Variants in ELP5 observed in about 807,000 individuals in gnomAD.
The protein encoded by ELP5 is elongator acetyltransferase complex subunit 5.
ELP5 carries 34 observed loss-of-function variants against 33.4 expected under a neutral mutation model. That is an observed-to-expected ratio of 1.02 (90% CI 0.78 to 1.36). The LOEUF is 1.36. ELP5 is among the 40% of genes most tolerant of loss of function. The pLI, the probability that ELP5 is intolerant of heterozygous loss-of-function variation, is 0.00. For missense variants in ELP5, 373 were observed against 371.7 expected, an observed-to-expected ratio of 1.00 and a Z score of -0.03; for synonymous variants, 161 against 146.4, an observed-to-expected ratio of 1.10 and a Z score of -0.72.
chr17:7,252,892 A>G, intron 2 of ELP5, 26 bp from the exon 3 acceptor site: 1 of 1,614,154 alleles, frequency 6.2e-7, no homozygotes, highest in Non-Finnish European at 8.5e-7. Context: ...CCACTCTTTG[A>G]CAATCCCTTC....
rs367785137 is a variant in ELP5 at position 7,258,864 on chromosome 17, G to C, written c.726G>C (p.Leu242=). Residue 242 remains leucine (L), a synonymous_variant, in exon 7 of 8, where the codon CTG becomes CTC. Coordinates refer to ENST00000396628, the MANE Select transcript of ELP5 (RefSeq NM_203414.3). ...PTTHLTFNLH[L]SKKEREARDS... ...CTCATTTGACCTTTAACCTTCACCTGTCCAAGAAAGAGAGAGAAGCCAGAG... is the reference window on the plus strand; with the variant it reads ...CTCATTTGACCTTTAACCTTCACCTCTCCAAGAAAGAGAGAGAAGCCAGAG... The C allele has an allele frequency of 8.7e-6, 14 of 1,614,034 alleles. No individual in the cohort carries two copies. The South Asian group carries it at 8.8e-5, about 10-fold the overall frequency.
rs1243073846 is a variant in ELP5, at chr17:7,252,846, T to C, written c.107+16T>C. 6 of 1,614,100 alleles carry C rather than the reference T, an allele frequency of 3.7e-6. No individual in the cohort carries two copies. Among genetic ancestry groups the C allele is most frequent in the Non-Finnish European group, 5.1e-6 (6 of 1,180,040 alleles). On this transcript the variant is annotated intron_variant, in intron 2 of 7. Transcript: ENST00000396628. ...CTGCACTGTGGTGAGTATCCCACAG[T>C]GTCTCCCCGGCCTACCCTGGATAGG...
At chr17:7,257,459 G>T (rs1404896257) in intron 5 of ELP5, among the ~76,000 whole-genome samples, 1 of 148,252 alleles carries the variant, frequency 6.7e-6, no homozygotes, top group African/African-American at 2.5e-5. Flanking sequence ...ATTGGACAAG[G>T]TCTCACTGTT....
Position 7,259,755 on chromosome 17 carries a change from A to G in ELP5, c.*70A>G, listed in dbSNP as rs2072170940. ...ACTTTGGGCCCAGAACCATCTTTCT[A>G]TTGTTTGTGTTAGCCTTACCCTGTC... On this transcript the variant is annotated 3_prime_UTR_variant, in exon 8 of 8. Transcript: ENST00000396628. 3.8e-6 allele frequency: 6 copies of G among 1,595,278 alleles called. No homozygotes were observed. The highest frequency in any genetic ancestry group is 5.1e-6 in the Non-Finnish European group (6 of 1,171,460).
Position 7,252,482 on chromosome 17 carries a change from G to T in ELP5, c.-69G>T. On this transcript the variant is annotated 5_prime_UTR_variant, in exon 1 of 8. Transcript: ENST00000396628. ...CCGAGTGCTCGGCCCGTTTCACCCC[G>T]AGGAGGAAGGACACTGGGTCATGAC... The T allele has an allele frequency of 1.2e-6, 2 of 1,611,626 alleles. No homozygotes were observed. The highest frequency in any genetic ancestry group is 1.1e-5 in the South Asian group (1 of 90,324).
In ELP5 at chr17:7,258,587, G is replaced by T. The variant is rs1161569290; in HGVS notation, c.592-1G>T. On this transcript the variant is annotated splice_acceptor_variant, in intron 5 of 7. Coordinates refer to ENST00000396628, the MANE Select transcript of ELP5 (RefSeq NM_203414.3). LOFTEE classifies it high-confidence loss of function. ...AAAACTCTTTTCTTTTTTCTCTCCA[G>T]ACTCAGTGGTTCTCCATCCTTCCGG... is the stretch of plus-strand genomic sequence containing the variant. The T allele has an allele frequency of 6.2e-7, 1 of 1,613,762 alleles. No homozygotes were observed. Among genetic ancestry groups the T allele is most frequent in the East Asian group, 2.2e-5 (1 of 44,890 alleles).
Position 7,252,753 on chromosome 17 carries a change from C to G in ELP5, c.47-17C>G, listed in dbSNP as rs780503475. Reference sequence around the variant, plus strand: ...TCCCAGCGCTCTCATACCCTTTATCCGTCCCTCGCTCTGCAGATTCCGTGG... The same window carrying G: ...TCCCAGCGCTCTCATACCCTTTATCGGTCCCTCGCTCTGCAGATTCCGTGG... On this transcript the variant is annotated splice_polypyrimidine_tract_variant and intron_variant, in intron 1 of 7. Coordinates refer to ENST00000396628, the MANE Select transcript of ELP5 (RefSeq NM_203414.3). 6.2e-6 allele frequency: 10 copies of G among 1,614,052 alleles called. No homozygotes were observed. Among genetic ancestry groups the G allele is most frequent in the African/African-American group, 1.3e-5 (1 of 75,016 alleles).
chr17:7,252,909 C>T lies in ELP5; in HGVS notation c.108-9C>T. On this transcript the variant is annotated splice_polypyrimidine_tract_variant and intron_variant, in intron 2 of 7. Transcript: ENST00000396628. ...ACTCTTTGACAATCCCTTCTCATCT[C>T]TGCCTTAGTGGGGAGCAAGTGCATA... The T allele has an allele frequency of 6.2e-7, 1 of 1,614,214 alleles. No individual in the cohort carries two copies. Among genetic ancestry groups the T allele is most frequent in the Non-Finnish European group, 8.5e-7 (1 of 1,180,030 alleles).
rs1443603943 is a variant in ELP5 at position 7,252,522 on chromosome 17, C to G, written c.-29C>G. The G allele has an allele frequency of 1.2e-6, 2 of 1,613,656 alleles. No individual in the cohort carries two copies. Among genetic ancestry groups the G allele is most frequent in the Admixed American group, 3.3e-5 (2 of 59,988 alleles). On this transcript the variant is annotated 5_prime_UTR_variant, in exon 1 of 8. Coordinates refer to ENST00000396628, the MANE Select transcript of ELP5 (RefSeq NM_203414.3). ...TGGGTCATGACGCCATCAGAGGGCGCCAGAGCAGGGACCGGACGCGAGTTG... is the reference window on the plus strand; with the variant it reads ...TGGGTCATGACGCCATCAGAGGGCGGCAGAGCAGGGACCGGACGCGAGTTG...
rs777138706 is a variant in ELP5, at chr17:7,254,744, T to C, written c.350T>C (p.Leu117Pro). 5 of 1,614,152 alleles carry C rather than the reference T, an allele frequency of 3.1e-6. No individual in the cohort carries two copies. In the South Asian group the frequency reaches 5.5e-5, roughly 18 times the overall value. ...LDSLSWLLLR[L>P]PCTTLCQVLH... ...TCACTCAGCTGGCTGCTACTTCGCC[T>C]TCCCTGCACCACACTCTGCCAGGTC... Residue 117 changes from leucine to proline, a missense_variant, in exon 4 of 8, where the codon CTT becomes CCT. Physicochemically the swap from Leu to Pro is moderately conservative, Grantham distance 98 (BLOSUM62 -3). Coordinates refer to ENST00000396628, the MANE Select transcript of ELP5 (RefSeq NM_203414.3).
At position 7,259,788 on chromosome 17, in the gene ELP5, C is replaced by A; in HGVS notation, c.*103C>A. The A allele has an allele frequency of 6.6e-7, 1 of 1,511,472 alleles. No homozygotes were observed. The highest frequency in any genetic ancestry group is 1.8e-4 in the Middle Eastern group (1 of 5,582). 93.6% of individuals were successfully genotyped at this position (1,511,472 alleles called of 1,614,324 possible). On this transcript the variant is annotated 3_prime_UTR_variant, in exon 8 of 8. Transcript: ENST00000396628. ...TGTTAGCCTTACCCTGTCCCTGCCC[C>A]ACCTTGGTTCCCCTTGTCTATGGAG... is the stretch of plus-strand genomic sequence containing the variant.
In ELP5 at chr17:7,259,556, A is replaced by G. The variant is rs1597588471; in HGVS notation, c.789-15A>G. On this transcript the variant is annotated splice_polypyrimidine_tract_variant and intron_variant, in intron 7 of 7. Coordinates refer to ENST00000396628, the MANE Select transcript of ELP5 (RefSeq NM_203414.3). Reference sequence around the variant, plus strand: ...TGTTAGCTACCCTCACCAGCACCAAATCTTCCCTTCTCAGACAGCAGGCTC... The same window carrying G: ...TGTTAGCTACCCTCACCAGCACCAAGTCTTCCCTTCTCAGACAGCAGGCTC... 5.0e-6 allele frequency: 8 copies of G among 1,614,036 alleles called. No individual in the cohort carries two copies. Among genetic ancestry groups the G allele is most frequent in the Non-Finnish European group, 1.7e-6 (2 of 1,179,994 alleles).
chr17:7,258,372 C>G (rs947646492), intron 5 of ELP5, among the ~76,000 whole-genome samples: 1 of 151,062 alleles, frequency 6.6e-6, no homozygotes, highest in Non-Finnish European at 1.5e-5. Flanking sequence ...TCACTTGAAC[C>G]TGGGAGGCGG....
intron 6 of ELP5, 67 bp downstream of exon 6, chr17:7,258,750 A>G: frequency 6.2e-7 from 1 of 1,614,106 alleles, no homozygotes; most frequent in Non-Finnish European, 8.5e-7. Flanking sequence ...GAGAGAAAAT[A>G]AAAGCTGCAG....
At chr17:7,254,464 A>G in intron 3 of ELP5, 119 bp from the exon 4 acceptor site, 3 of 710,210 alleles carry the variant, frequency 4.2e-6, no homozygotes, top group Non-Finnish European at 4.6e-6. Context: ...ATTATCTTTC[A>G]CTAATATTTA....
intron 5 of ELP5, among the ~76,000 whole-genome samples, 164 bp from the exon 6 acceptor site, chr17:7,258,424 G>T (rs893819834): frequency 5.4e-5 from 8 of 149,100 alleles, no homozygotes; most frequent in Non-Finnish European, 8.9e-5. Context: ...ACTCCAGCCT[G>T]GGCAACAAAG....
rs746394055 is a variant in ELP5 at position 7,256,948 on chromosome 17, T to C, written c.501T>C (p.Leu167=). The C allele has an allele frequency of 6.2e-7, 1 of 1,613,922 alleles. No individual in the cohort carries two copies. Among genetic ancestry groups the C allele is most frequent in the Non-Finnish European group, 8.5e-7 (1 of 1,180,012 alleles). ...GPGPVGALSS[L]AQTEVTLGGT... is the part of the protein sequence containing the mutation. Reference sequence around the variant, plus strand: ...GCCCTGTGGGAGCTCTCAGCAGCCTTGCTCAGACTGAGGTGACCCTGGGCG... The same window carrying C: ...GCCCTGTGGGAGCTCTCAGCAGCCTCGCTCAGACTGAGGTGACCCTGGGCG... Residue 167 remains leucine, a synonymous_variant, in exon 5 of 8, where the codon CTT becomes CTC. Coordinates refer to ENST00000396628, the MANE Select transcript of ELP5 (RefSeq NM_203414.3).
At chr17:7,259,292 C>G (rs1157141371) in intron 7 of ELP5, 1 of 1,382,196 alleles carries the variant, frequency 7.2e-7, no homozygotes, top group African/African-American at 1.5e-5. Flanking sequence ...GCTTGCTGTT[C>G]TGTGCCCAGT....
chr17:7,257,083 AAG>A (rs781366487), intron 5 of ELP5, 45 bp downstream of exon 5: 1 of 1,498,074 alleles, frequency 6.7e-7, no homozygotes, highest in Non-Finnish European at 8.9e-7. Flanking sequence ...GGGACAGAGA[AAG>A]GGGTGGCACG....
Sources: gnomAD v4.1 joint callset for allele counts (sites outside exome capture counted in the v4.1 genomes callset) on GRCh38, gnomAD v4.1.1 for gene constraint, MANE v1.5 for transcripts, NCBI Gene and HGNC (gene_info 2026-07-23, HGNC 2026-07-21) for gene names.